The following PCDHGA2 variants were observed in gnomAD, a reference collection of about 807,000 sequenced individuals.
PCDHGA2 encodes the protein protocadherin gamma-A2.
In PCDHGA2, 40 loss-of-function variants were observed where a neutral mutation model predicts 59.2. That is an observed-to-expected ratio of 0.68 (90% CI 0.52 to 0.88). The LOEUF (loss-of-function observed/expected upper bound fraction) is 0.88, where lower values mean the gene tolerates loss of function less well. Ranked by LOEUF, PCDHGA2 falls within the 40% of genes least tolerant of loss-of-function variation. PCDHGA2 has a pLI of 0.00. For missense variants in PCDHGA2, 1,226 were observed against 1,204.0 expected, an observed-to-expected ratio of 1.02 and a Z score of -0.27; for synonymous variants, 560 against 526.0, an observed-to-expected ratio of 1.06 and a Z score of -0.89.
intron 1 of PCDHGA2, chr5:141,351,587 G>C (rs761994950): frequency 2.5e-6 from 4 of 1,613,988 alleles, no homozygotes; most frequent in Non-Finnish European, 3.4e-6. Context: ...CGACATCAAC[G>C]ACAATGCACC....
intron 1 of PCDHGA2, chr5:141,399,029 A>G: frequency 6.2e-7 from 1 of 1,613,912 alleles, no homozygotes. Context: ...ACCACTCAAA[A>G]GAAACTGGAT....
At chr5:141,451,127 CT>C (rs1264048458) in intron 1 of PCDHGA2, among the ~76,000 whole-genome samples, 1 of 152,132 alleles carries the variant, frequency 6.6e-6, no homozygotes, top group Non-Finnish European at 1.5e-5. Context: ...CACACCCAGC[CT>C]TATGATTGTA....
rs747077639 is a variant in PCDHGA2, at chr5:141,432,371, G to C, written c.2425-62436G>C. 2 of 1,614,234 alleles carry C rather than the reference G, an allele frequency of 1.2e-6. No individual in the cohort carries two copies. The highest frequency in any genetic ancestry group is 1.6e-4 in the Middle Eastern group (1 of 6,062). ...AGTGAAAGTGATGGCGCGGGACAAC[G>C]GGCACCCGCCCCTCAGCAGCAACGT... On this transcript the variant is annotated intron_variant, in intron 1 of 3. Transcript: ENST00000394576. The surrounding 1 kb of genome is among the most constrained non-coding windows in gnomAD (Gnocchi z 6.0).
At chr5:141,415,640 T>C in intron 1 of PCDHGA2, 1 of 1,594,726 alleles carries the variant, frequency 6.3e-7, no homozygotes, top group Non-Finnish European at 8.5e-7. Context: ...TTTACTTTTG[T>C]TAAAAAAAAA....
In PCDHGA2 at chr5:141,457,491, A is replaced by G. The variant is rs1462989353; in HGVS notation, c.2425-37316A>G. Among the ~76,000 whole-genome samples, 9 of 152,368 alleles carry G rather than the reference A, an allele frequency of 5.9e-5. No individual in the cohort carries two copies. The East Asian group carries it at 1.5e-3, about 26-fold the overall frequency. On this transcript the variant is annotated intron_variant, in intron 1 of 3. Transcript: ENST00000394576. ...ATAAGCAGGGCCAGGGTTAGTCTAA[A>G]ATGTAGGCAAAAAGCTTAAAAACAA...
chr5:141,342,101 A>G (rs1385005214), intron 1 of PCDHGA2: 1 of 54,256 alleles, frequency 1.8e-5, no homozygotes, highest in Admixed American at 1.9e-4. Context: ...GGTAATAAAC[A>G]GGTTTCTCCT....
intron 1 of PCDHGA2, chr5:141,376,482 C>T (rs768933228): frequency 4.3e-6 from 7 of 1,614,148 alleles, no homozygotes; most frequent in South Asian, 1.1e-5. Context: ...TTACTTGAAA[C>T]GAAAGGAGAA....
At chr5:141,402,514 AAT>A (rs1200847622) in intron 1 of PCDHGA2, among the ~76,000 whole-genome samples, 1 of 152,218 alleles carries the variant, frequency 6.6e-6, no homozygotes, top group East Asian at 1.9e-4. Flanking sequence ...AATATTAAGC[AAT>A]GGTTTGTGAT....
chr5:141,492,230 C>T (rs1286145654), intron 1 of PCDHGA2, among the ~76,000 whole-genome samples: 1 of 152,196 alleles, frequency 6.6e-6, no homozygotes. Flanking sequence ...CGTGTCCTCC[C>T]TGCTGGCCAC....
intron 1 of PCDHGA2, chr5:141,345,839 C>T: frequency 6.2e-7 from 1 of 1,613,540 alleles, no homozygotes; most frequent in South Asian, 1.1e-5. Flanking sequence ...GCCAGAACGC[C>T]TGGCTGTCCT....
chr5:141,484,962 G>A (rs2099604361), intron 1 of PCDHGA2: 1 of 577,858 alleles, frequency 1.7e-6, no homozygotes, highest in Non-Finnish European at 3.1e-6. Flanking sequence ...GGCTGAGCCC[G>A]GGAGCCGCTG....
At chr5:141,359,042 CTG>C (rs1761096512) in intron 1 of PCDHGA2, among the ~76,000 whole-genome samples, 1 of 152,190 alleles carries the variant, frequency 6.6e-6, no homozygotes, top group Admixed American at 6.5e-5. Flanking sequence ...TAGTGATAGA[CTG>C]TGGAATATGC....
intron 1 of PCDHGA2, chr5:141,389,309 T>A (rs763262842): frequency 1.4e-5 from 23 of 1,613,900 alleles, no homozygotes; most frequent in Non-Finnish European, 1.9e-5. Flanking sequence ...TCAGGGCTTC[T>A]GATCCGGACT....
intron 1 of PCDHGA2, chr5:141,408,068 C>G: frequency 7.3e-7 from 1 of 1,367,282 alleles, no homozygotes; most frequent in Non-Finnish European, 9.7e-7. Flanking sequence ...GCTGCGCAGA[C>G]CTTTCCCAGC....
intron 3 of PCDHGA2, 69 bp from the exon 4 acceptor site, chr5:141,510,878 G>A (rs896348248): frequency 6.2e-7 from 1 of 1,610,438 alleles, no homozygotes; most frequent in African/African-American, 1.3e-5. Context: ...TTAACTGCTG[G>A]GGATATAAGA....
At chr5:141,440,275 T>C (rs913705052) in intron 1 of PCDHGA2, 14 of 152,120 alleles carry the variant, frequency 9.2e-5, no homozygotes, top group African/African-American at 3.1e-4. Flanking sequence ...GAGACCAGCC[T>C]GACCAACATA....
At chr5:141,349,576 T>C (rs919403109) in intron 1 of PCDHGA2, among the ~76,000 whole-genome samples, 1 of 152,194 alleles carries the variant, frequency 6.6e-6, no homozygotes, top group African/African-American at 2.4e-5. Context: ...GGCTGTGATT[T>C]CCTCTTTTTT....
At position 141,338,909 on chromosome 5, in the gene PCDHGA2, T is replaced by A. The variant is rs1756788267; in HGVS notation, c.-63T>A. On this transcript the variant is annotated 5_prime_UTR_variant, in exon 1 of 4. It removes the in-frame stop codon of an upstream open reading frame in the 5' UTR. Transcript: ENST00000394576. The stretch of plus-strand genomic sequence containing the variant: ...GCTGGTTATCTCACACCCTGAGGAA[T>A]AAAGATTGGAATCCGCACTGGATGC... 4 of 1,501,832 alleles carry A rather than the reference T, an allele frequency of 2.7e-6. No homozygotes were observed. The South Asian group carries it at 5.5e-5, about 21-fold the overall frequency. The allele number at this position is 1,501,832 out of a possible 1,614,324, so 93.0% of individuals were successfully genotyped here.
intron 1 of PCDHGA2, chr5:141,395,513 C>T: frequency 2.4e-6 from 1 of 420,938 alleles, no homozygotes; most frequent in South Asian, 3.5e-5. Context: ...GAAGTAGCTA[C>T]CCGTCCATAC....
Sources: allele counts gnomAD v4.1 joint callset (sites outside exome capture counted in the v4.1 genomes callset), GRCh38; gene constraint gnomAD v4.1.1; non-coding constraint Gnocchi (gnomAD v3.1); transcripts MANE v1.5; gene names NCBI Gene and HGNC (gene_info 2026-07-23, HGNC 2026-07-21).